The following PCDH15 variants were observed in gnomAD, a reference collection of about 807,000 sequenced individuals.
PCDH15 encodes the protein protocadherin related 15.
In PCDH15, 129 loss-of-function variants were observed where a neutral mutation model predicts 178.5. The observed-to-expected ratio is 0.72, with a 90% CI of 0.63 to 0.84. The LOEUF (loss-of-function observed/expected upper bound fraction) is 0.84, where lower values mean the gene tolerates loss of function less well. PCDH15 is among the 40% of genes least tolerant of loss of function. The pLI is 0.00. For missense variants in PCDH15, 2,230 were observed against 2,099.9 expected, an observed-to-expected ratio of 1.06 and a Z score of -1.21; for synonymous variants, 800 against 732.0, an observed-to-expected ratio of 1.09 and a Z score of -1.50.
At chr10:54,706,686 C>T (rs866825151) in intron 1 of PCDH15, among the ~76,000 whole-genome samples, 4 of 152,100 alleles carry the variant, frequency 2.6e-5, no homozygotes, top group African/African-American at 9.7e-5. Flanking sequence ...TGCAGTGGCG[C>T]GATCTCGGCT....
intron 3 of PCDH15, among the ~76,000 whole-genome samples, chr10:54,414,475 G>A (rs993358913): frequency 1.6e-4 from 24 of 152,000 alleles, no homozygotes; most frequent in Non-Finnish European, 2.9e-4. Flanking sequence ...TTGGGCTACA[G>A]AACAGAAGTA....
At chr10:54,696,947 A>C (rs2095236681) in intron 1 of PCDH15, among the ~76,000 whole-genome samples, 1 of 152,030 alleles carries the variant, frequency 6.6e-6, no homozygotes. Context: ...GATACAGTGG[A>C]AATTTACGTT....
intron 8 of PCDH15, among the ~76,000 whole-genome samples, chr10:54,260,561 G>A (rs7078086): frequency 0.067 from 10,209 of 151,960 alleles, 667 homozygotes; most frequent in African/African-American, 0.16. Context: ...AGCCATCTCT[G>A]TGTTGATTTT....
intron 2 of PCDH15, among the ~76,000 whole-genome samples, chr10:54,948,927 T>C (rs892048898): frequency 1.3e-5 from 2 of 151,974 alleles, no homozygotes; most frequent in African/African-American, 4.8e-5. Flanking sequence ...ACACAGTATA[T>C]GTTAGCCTTG....
intron 3 of PCDH15, among the ~76,000 whole-genome samples, chr10:54,807,022 G>A (rs1414053711): frequency 6.6e-6 from 1 of 152,164 alleles, no homozygotes; most frequent in Admixed American, 6.6e-5. Flanking sequence ...TTGGTTATAA[G>A]CAAGTTATGA....
At chr10:55,254,989 AG>A (rs964935438) in intron 1 of PCDH15, among the ~76,000 whole-genome samples, 3 of 152,010 alleles carry the variant, frequency 2.0e-5, no homozygotes, top group African/African-American at 7.2e-5. Context: ...TTTAGGGTAC[AG>A]GTGCACAATG....
intron 8 of PCDH15, among the ~76,000 whole-genome samples, chr10:54,311,581 T>C (rs927381969): frequency 6.6e-6 from 1 of 152,088 alleles, no homozygotes; most frequent in Non-Finnish European, 1.5e-5. Flanking sequence ...TATTTCATCC[T>C]ACTTGCCTAG....
intron 2 of PCDH15, among the ~76,000 whole-genome samples, chr10:54,946,736 G>A (rs141035117): frequency 9.8e-4 from 149 of 151,862 alleles, no homozygotes; most frequent in African/African-American, 3.5e-3. Flanking sequence ...CACTTTACAA[G>A]GTGATCTTAT....
chr10:53,948,376 CATT>C (rs1365912320), intron 23 of PCDH15, among the ~76,000 whole-genome samples: 4 of 151,996 alleles, frequency 2.6e-5, no homozygotes, highest in African/African-American at 9.7e-5. Flanking sequence ...TTGAATTATA[CATT>C]ATTTGACATT....
chr10:54,864,591 C>T (rs1953902565), intron 3 of PCDH15: 1 of 152,068 alleles, frequency 6.6e-6, no homozygotes, highest in African/African-American at 2.4e-5. Context: ...GGTCAGAAGT[C>T]CAATGTTGTG....
intron 2 of PCDH15, among the ~76,000 whole-genome samples, chr10:55,129,513 G>T (rs2384613): frequency 0.95 from 145,179 of 152,126 alleles, 69,516 homozygotes; most frequent in Middle Eastern, 1. Context: ...ACAAAGCTTC[G>T]AAATCTACAT....
chr10:55,388,617 C>T (rs1206917412), intron 2 of PCDH15, among the ~76,000 whole-genome samples: 1 of 151,998 alleles, frequency 6.6e-6, no homozygotes, highest in African/African-American at 2.4e-5. Flanking sequence ...TGTACAATTA[C>T]AGGGATTCTT....
At chr10:55,297,206 G>C (rs961450216) in intron 1 of PCDH15, among the ~76,000 whole-genome samples, 1 of 151,936 alleles carries the variant, frequency 6.6e-6, no homozygotes, top group Non-Finnish European at 1.5e-5. Flanking sequence ...AAAAAAGAAA[G>C]AGAGAGATTG....
rs144100352 is a variant in PCDH15, at chr10:54,627,046, T to C, written c.91+37126A>G. 2.6e-5 allele frequency among the ~76,000 whole-genome samples: 4 copies of C among 152,320 alleles called. No homozygotes were observed. In the East Asian group the frequency reaches 7.8e-4, roughly 30 times the overall value. On this transcript the variant is annotated intron_variant, in intron 2 of 37. Coordinates refer to ENST00000644397, the MANE Select transcript of PCDH15 (RefSeq NM_001384140.1). ...TACATGGGGCCTGTAGCCCCTTTGC[T>C]TCGGCAAATTTCTCCCATTTGGAAT...
intron 3 of PCDH15, among the ~76,000 whole-genome samples, chr10:54,466,312 G>T (rs2077513540): frequency 1.3e-5 from 2 of 151,796 alleles, no homozygotes; most frequent in Admixed American, 1.3e-4. Context: ...ATAATTTTGG[G>T]TCCTAACACT....
chr10:55,162,061 A>C (rs541925839), intron 2 of PCDH15, among the ~76,000 whole-genome samples: 1 of 152,302 alleles, frequency 6.6e-6, no homozygotes, highest in Admixed American at 6.5e-5. Flanking sequence ...GTGGATAATT[A>C]ACATCAAAAC....
chr10:54,437,134 A>T (rs191112764), intron 3 of PCDH15, among the ~76,000 whole-genome samples: 1 of 152,178 alleles, frequency 6.6e-6, no homozygotes, highest in Admixed American at 6.5e-5. Flanking sequence ...AAAAATGTAT[A>T]CTCTTTACCA....
chr10:55,007,331 G>A (rs933512734), intron 2 of PCDH15, among the ~76,000 whole-genome samples: 1 of 152,102 alleles, frequency 6.6e-6, no homozygotes, highest in Non-Finnish European at 1.5e-5. Flanking sequence ...AGCATTATTT[G>A]CTAATTTCAA....
At chr10:55,232,222 TATC>T (rs1841247728) in intron 1 of PCDH15, among the ~76,000 whole-genome samples, 3 of 152,030 alleles carry the variant, frequency 2.0e-5, no homozygotes, top group Admixed American at 2.0e-4. Context: ...TATATTTAGA[TATC>T]ATTGGGAGTA....
Sources: allele counts gnomAD v4.1 joint callset (sites outside exome capture counted in the v4.1 genomes callset), GRCh38; gene constraint gnomAD v4.1.1; transcripts MANE v1.5; gene names NCBI Gene and HGNC (gene_info 2026-07-23, HGNC 2026-07-21).